Variants in AGPS observed in about 807,000 individuals in gnomAD.
The protein encoded by AGPS is alkyldihydroxyacetonephosphate synthase, peroxisomal.
In AGPS, 26 loss-of-function variants were observed where a neutral mutation model predicts 90.7. The observed-to-expected ratio is 0.29, with a 90% confidence interval of 0.21 to 0.40. The LOEUF (loss-of-function observed/expected upper bound fraction) is 0.40. Ranked by LOEUF, AGPS falls within the 10% of genes least tolerant of loss-of-function variation. AGPS has a pLI of 1.00. For missense variants in AGPS, 540 were observed against 816.1 expected (o/e 0.66, Z 4.12); for synonymous variants, 294 against 285.3 (o/e 1.03, Z -0.31).
chr2:177,489,898 A>G (rs1479189798), intron 11 of AGPS, among the ~76,000 whole-genome samples: 1 of 152,210 alleles, frequency 6.6e-6, no homozygotes, highest in African/African-American at 2.4e-5. Flanking sequence ...GCTTACCAGC[A>G]GGGGTCACTT....
intron 17 of AGPS, among the ~76,000 whole-genome samples, 179 bp downstream of exon 17, chr2:177,514,087 TGAG>T (rs947471863): frequency 9.9e-5 from 15 of 152,182 alleles, no homozygotes; most frequent in Admixed American, 2.6e-4. Context: ...ACAGTAGTCC[TGAG>T]CCTTTTAGGA....
chr2:177,540,170 T>C lies in AGPS; in HGVS notation c.*1975T>C, dbSNP rs944710089. The C allele has an allele frequency of 2.0e-5, 3 of 151,588 alleles. No individual in the cohort carries two copies. Among genetic ancestry groups the C allele is most frequent in the Non-Finnish European group, 4.4e-5 (3 of 67,838 alleles). The allele number at this position is 151,588 out of a possible 1,614,324, so 9.4% of individuals were successfully genotyped here. On this transcript the variant is annotated 3_prime_UTR_variant, in exon 20 of 20. Coordinates refer to ENST00000264167, the MANE Select transcript of AGPS (RefSeq NM_003659.4). ...TCCATTCCTTTGCATGTGATTGTTA[T>C]AACATTCTTTCCCAGGGAGTTCAAT... is the stretch of plus-strand genomic sequence containing the variant.
chr2:177,437,757 A>C (rs970205825), intron 5 of AGPS, among the ~76,000 whole-genome samples: 1 of 152,004 alleles, frequency 6.6e-6, no homozygotes, highest in African/African-American at 2.4e-5. Flanking sequence ...CAGAGTGTAT[A>C]TTTTATTTTT....
Position 177,434,399 on chromosome 2 carries a change from G to A in AGPS, c.423G>A (p.Glu141=), listed in dbSNP as rs1248542771. 3.1e-6 allele frequency: 5 copies of A among 1,611,744 alleles called. No individual in the cohort carries two copies. In the African/African-American group the frequency reaches 4.0e-5, roughly 13 times the overall value. ...AAAATACCCTTGGAGTAAATGTGGAGCATAAAACTACCTCTAAAGTAAGCA... is the reference window on the plus strand; with the variant it reads ...AAAATACCCTTGGAGTAAATGTGGAACATAAAACTACCTCTAAAGTAAGCA... ...WIQNTLGVNV[E]HKTTSKASLN... is the part of the protein sequence containing the mutation. The change falls in exon 3 of 20, where the codon GAG becomes GAA. Residue 141 remains glutamate, a synonymous_variant. Coordinates refer to ENST00000264167, the MANE Select transcript of AGPS (RefSeq NM_003659.4).
chr2:177,445,160 G>GT (rs1410786784), intron 7 of AGPS, among the ~76,000 whole-genome samples: 1 of 152,122 alleles, frequency 6.6e-6, no homozygotes, highest in Non-Finnish European at 1.5e-5. Flanking sequence ...TGTATATGCT[G>GT]TTTTTTTACA....
chr2:177,534,786 A>G (rs1360697833), intron 19 of AGPS, among the ~76,000 whole-genome samples: 2 of 151,194 alleles, frequency 1.3e-5, no homozygotes, highest in Non-Finnish European at 2.9e-5. Flanking sequence ...TTTTTTAGAA[A>G]TGGGGTCTCA....
chr2:177,501,641 G>A (rs773718378), intron 14 of AGPS, among the ~76,000 whole-genome samples: 1 of 151,962 alleles, frequency 6.6e-6, no homozygotes, highest in Non-Finnish European at 1.5e-5. Flanking sequence ...AATACATTTT[G>A]TCAGGATTTT....
At chr2:177,424,018 A>G (rs1204568928) in intron 2 of AGPS, among the ~76,000 whole-genome samples, 2 of 152,118 alleles carry the variant, frequency 1.3e-5, no homozygotes, top group East Asian at 3.9e-4. Flanking sequence ...AACGTGTGAC[A>G]TGGTGGTTTG....
Position 177,464,182 on chromosome 2 carries a change from C to T in AGPS, c.996+2164C>T, listed in dbSNP as rs534189552. On this transcript the variant is annotated intron_variant, in intron 9 of 19. Transcript: ENST00000264167. The stretch of plus-strand genomic sequence containing the variant: ...TCTTGAACTCCTGACCTGAGGTACT[C>T]CTCCTGCCTCGGCCTCCCAAAGTGC... Among the ~76,000 whole-genome samples, 13 of 152,270 alleles carry T rather than the reference C, an allele frequency of 8.5e-5. No homozygotes were observed. The South Asian group carries it at 1.5e-3, about 17-fold the overall frequency.
chr2:177,493,702 G>C (rs1452643583), intron 12 of AGPS, among the ~76,000 whole-genome samples: 1 of 152,160 alleles, frequency 6.6e-6, no homozygotes, highest in Non-Finnish European at 1.5e-5. Flanking sequence ...TTGCAGGATA[G>C]ATTTGGATTT....
chr2:177,438,218 C>T (rs1280435134), intron 5 of AGPS, among the ~76,000 whole-genome samples: 2 of 152,100 alleles, frequency 1.3e-5, no homozygotes, highest in Admixed American at 1.3e-4. Flanking sequence ...ATAAGAACTT[C>T]CAAGTGTACC....
rs1688509558 is a variant in AGPS at position 177,499,859 on chromosome 2, T to C, written c.1475+129T>C. The stretch of plus-strand genomic sequence containing the variant: ...CTGCATGTCTCAAAGTAGTTATTAA[T>C]TTCAGTTTAGTGTTAAATTTGTGGT... On this transcript the variant is annotated intron_variant, in intron 14 of 19. Transcript: ENST00000264167. 4 of 640,374 alleles carry C rather than the reference T, an allele frequency of 6.2e-6. No individual in the cohort carries two copies. In the South Asian group the frequency reaches 7.5e-5, roughly 12 times the overall value. The allele number at this position is 640,374 out of a possible 1,614,324, so 39.7% of individuals were successfully genotyped here.
Position 177,495,270 on chromosome 2 carries a change from G to T in AGPS, c.1285+2071G>T, listed in dbSNP as rs577382968. Among the ~76,000 whole-genome samples the T allele has an allele frequency of 9.9e-5, 15 of 152,208 alleles. No individual in the cohort carries two copies. The South Asian group carries it at 2.1e-3, about 21-fold the overall frequency. The stretch of plus-strand genomic sequence containing the variant: ...AATTAATCATCAAATTGGCAAGGGG[G>T]TGAACAAATCCTAGATGGCATAGTG... On this transcript the variant is annotated intron_variant, in intron 12 of 19. Transcript: ENST00000264167.
intron 7 of AGPS, among the ~76,000 whole-genome samples, chr2:177,444,403 A>C: frequency 6.8e-6 from 1 of 146,732 alleles, no homozygotes; most frequent in East Asian, 2.0e-4. Context: ...CCTGGGTGAC[A>C]GAGCAAGACT....
intron 2 of AGPS, among the ~76,000 whole-genome samples, chr2:177,424,164 C>T (rs2105613548): frequency 6.6e-6 from 1 of 152,206 alleles, no homozygotes; most frequent in African/African-American, 2.4e-5. Context: ...TCCTTGTGTT[C>T]ATGTGTTCTC....
chr2:177,441,776 T>C (rs1462607410), intron 6 of AGPS, among the ~76,000 whole-genome samples: 2 of 152,226 alleles, frequency 1.3e-5, no homozygotes, highest in Non-Finnish European at 2.9e-5. Context: ...TGTTCTTTAA[T>C]GGTATCAAGA....
At chr2:177,452,273 G>A (rs980141400) in intron 8 of AGPS, among the ~76,000 whole-genome samples, 2 of 152,048 alleles carry the variant, frequency 1.3e-5, no homozygotes, top group African/African-American at 2.4e-5. Flanking sequence ...TATTGAAGGG[G>A]GGTATTAAAA....
rs574563274 is a variant in AGPS, at chr2:177,413,529, G to A, written c.261-6740G>A. On this transcript the variant is annotated intron_variant, in intron 1 of 19. Coordinates refer to ENST00000264167, the MANE Select transcript of AGPS (RefSeq NM_003659.4). The stretch of plus-strand genomic sequence containing the variant: ...CCCAGTTGGTGGTAGAGACAGTCTG[G>A]GGTTGGTTGCCAAAATTGCCATATT... 4.6e-5 allele frequency among the ~76,000 whole-genome samples: 7 copies of A among 152,280 alleles called. No individual in the cohort carries two copies. In the South Asian group the frequency reaches 1.2e-3, roughly 27 times the overall value.
At chr2:177,485,025 C>T (rs1688054765) in intron 11 of AGPS, among the ~76,000 whole-genome samples, 1 of 152,198 alleles carries the variant, frequency 6.6e-6, no homozygotes, top group Admixed American at 6.5e-5. Flanking sequence ...GTTTAGGCCT[C>T]CCAAAGTGTA....
Sources: allele counts gnomAD v4.1 joint callset (sites outside exome capture counted in the v4.1 genomes callset), GRCh38; gene constraint gnomAD v4.1.1; transcripts MANE v1.5; gene names NCBI Gene and HGNC (gene_info 2026-07-23, HGNC 2026-07-21).